RAB10: variants seen among roughly 807,000 people sequenced by gnomAD.
RAB10 encodes ras-related protein Rab-10.
Under a neutral mutation model 25.7 loss-of-function variants are expected in RAB10, and 5 were observed. The ratio of observed to expected loss-of-function variants is 0.19; its 90% CI spans 0.10 to 0.41. The LOEUF is 0.41. RAB10 is among the 10% of genes least tolerant of loss of function. RAB10 has a pLI of 1.00. For synonymous variants in RAB10, 89 were observed against 86.4 expected (o/e 1.03, Z -0.16); for missense variants, 103 against 245.8 (o/e 0.42, Z 3.89).
intron 1 of RAB10, among the ~76,000 whole-genome samples, chr2:26,037,703 G>A (rs573132919): frequency 5.9e-5 from 9 of 152,106 alleles, no homozygotes; most frequent in African/African-American, 2.2e-4. Flanking sequence ...GATTTTAGGG[G>A]TTAGTGAGAG....
In RAB10 at chr2:26,034,513, C is replaced by T. The variant is rs75606451; in HGVS notation, c.-96C>T. On this transcript the variant is annotated 5_prime_UTR_variant, in exon 1 of 6. Transcript: ENST00000264710. ...GCCTTTTTCCCACGCTTCCCCGGTCCTCCGGCCTGAGAACGCCCGAGTGAG... is the reference window on the plus strand; with the variant it reads ...GCCTTTTTCCCACGCTTCCCCGGTCTTCCGGCCTGAGAACGCCCGAGTGAG... The T allele has an allele frequency of 7.3e-3, 11,171 of 1,540,408 alleles. 172 individuals carry two copies. The highest frequency in any genetic ancestry group is 0.041 in the African/African-American group (2,974 of 73,216).
intron 1 of RAB10, among the ~76,000 whole-genome samples, chr2:26,063,615 G>A (rs190602235): frequency 1.1e-3 from 161 of 152,220 alleles, no homozygotes; most frequent in African/African-American, 3.7e-3. Context: ...CTTTATTCAA[G>A]CTTCCTCAAC....
chr2:26,079,420 G>A (rs936403601), intron 1 of RAB10, among the ~76,000 whole-genome samples: 7 of 151,460 alleles, frequency 4.6e-5, no homozygotes, highest in Non-Finnish European at 7.4e-5. Flanking sequence ...TGGGTTTCTC[G>A]TTGTTGAAGA....
Position 26,037,179 on chromosome 2 carries a change from A to G in RAB10, c.127+2444A>G, listed in dbSNP as rs931811728. Among the ~76,000 whole-genome samples, 4 of 152,336 alleles carry G rather than the reference A, an allele frequency of 2.6e-5. No homozygotes were observed. In the South Asian group the frequency reaches 8.3e-4, roughly 32 times the overall value. On this transcript the variant is annotated intron_variant, in intron 1 of 5. Transcript: ENST00000264710. Reference sequence around the variant, plus strand: ...TTGTAAAGGGTGCATGCCCCCAACTAAAACTCAATCCTGTAAGATAATGGT... The same window carrying G: ...TTGTAAAGGGTGCATGCCCCCAACTGAAACTCAATCCTGTAAGATAATGGT...
chr2:26,033,640 A>G (rs1304213798), upstream of RAB10, among the ~76,000 whole-genome samples: 3 of 152,222 alleles, frequency 2.0e-5, no homozygotes, highest in African/African-American at 7.2e-5. Context: ...ATGGCCACCC[A>G]AGCCCGTCGC....
chr2:26,073,784 A>G (rs1666676557), intron 1 of RAB10, among the ~76,000 whole-genome samples: 1 of 152,218 alleles, frequency 6.6e-6, no homozygotes, highest in African/African-American at 2.4e-5. Flanking sequence ...GAAAAAGTAC[A>G]GAAGGGAATG....
chr2:26,048,372 A>T, intron 1 of RAB10, among the ~76,000 whole-genome samples: 1 of 152,174 alleles, frequency 6.6e-6, no homozygotes, highest in East Asian at 1.9e-4. Flanking sequence ...CCAGCATTTG[A>T]TAATGTTATC....
intron 3 of RAB10, among the ~76,000 whole-genome samples, chr2:26,115,947 C>A (rs1667679973): frequency 6.6e-6 from 1 of 151,430 alleles, no homozygotes; most frequent in Non-Finnish European, 1.5e-5. Flanking sequence ...GCAGTCTCCG[C>A]CTCCCTGGTT....
At chr2:26,120,842 G>A (rs1006353140) in intron 3 of RAB10, among the ~76,000 whole-genome samples, 1 of 151,640 alleles carries the variant, frequency 6.6e-6, no homozygotes, top group Non-Finnish European at 1.5e-5. Flanking sequence ...CGCCCGCCTC[G>A]GCCTCCCAAA....
In RAB10 at chr2:26,100,228, T is replaced by C. The variant is rs530013565; in HGVS notation, c.188+1506T>C. On this transcript the variant is annotated intron_variant, in intron 2 of 5. Transcript: ENST00000264710. ...CCAATAAGCAAAAGAAGGTGTTAAA[T>C]ATCTGAAGGGACAATTAAACATTGT... Among the ~76,000 whole-genome samples, 3 of 152,304 alleles carry C rather than the reference T, an allele frequency of 2.0e-5. No homozygotes were observed. The East Asian group carries it at 5.8e-4, about 29-fold the overall frequency.
Position 26,034,089 on chromosome 2 carries a change from A to C in RAB10, c.-520A>C. The C allele has an allele frequency of 2.5e-6, 1 of 404,434 alleles. No individual in the cohort carries two copies. The highest frequency in any genetic ancestry group is 4.4e-6 in the Non-Finnish European group (1 of 228,902). 25.1% of individuals were successfully genotyped at this position (404,434 alleles called of 1,614,324 possible). On this transcript the variant is annotated 5_prime_UTR_variant, in exon 1 of 6. Coordinates refer to ENST00000264710, the MANE Select transcript of RAB10 (RefSeq NM_016131.5). ...GGGCGTACGCCCTTGCGTGCGTCTC[A>C]GGCAGCGCGCACGCCGGCGTGAGAG...
At chr2:26,068,788 CGTT>C (rs1666566268) in intron 1 of RAB10, among the ~76,000 whole-genome samples, 1 of 152,166 alleles carries the variant, frequency 6.6e-6, no homozygotes, top group Admixed American at 6.6e-5. Context: ...TTTCCTCAGA[CGTT>C]GTGGGCAAGG....
At chr2:26,128,255 C>T (rs1667941587) in intron 5 of RAB10, among the ~76,000 whole-genome samples, 1 of 152,202 alleles carries the variant, frequency 6.6e-6, no homozygotes, top group Non-Finnish European at 1.5e-5. Context: ...GGTTTGCACT[C>T]CTATGAGAAT....
At chr2:26,075,795 T>C (rs1666720097) in intron 1 of RAB10, among the ~76,000 whole-genome samples, 1 of 152,132 alleles carries the variant, frequency 6.6e-6, no homozygotes, top group Admixed American at 6.6e-5. Flanking sequence ...GAATTCATTT[T>C]TCAGTGATGT....
chr2:26,081,427 G>T (rs955046949), intron 1 of RAB10, among the ~76,000 whole-genome samples: 1 of 152,150 alleles, frequency 6.6e-6, no homozygotes, highest in East Asian at 1.9e-4. Context: ...TGGAATACCT[G>T]ACTGTTAAAT....
chr2:26,133,275 ATGT>A (rs777420959), intron 5 of RAB10, among the ~76,000 whole-genome samples: 48 of 152,346 alleles, frequency 3.2e-4, no homozygotes, highest in Middle Eastern at 3.4e-3. Flanking sequence ...AGCTTTCAAA[ATGT>A]TGTGATGAAC....
intron 1 of RAB10, among the ~76,000 whole-genome samples, chr2:26,096,950 G>A (rs1253331174): frequency 6.6e-6 from 1 of 152,102 alleles, no homozygotes; most frequent in Admixed American, 6.5e-5. Context: ...GGCTGGGTGC[G>A]GTGGCTCACG....
At chr2:26,082,924 T>C (rs1008905877) in intron 1 of RAB10, among the ~76,000 whole-genome samples, 2 of 152,176 alleles carry the variant, frequency 1.3e-5, no homozygotes, top group Non-Finnish European at 2.9e-5. Flanking sequence ...ATTCCAGGAA[T>C]GCAAGGTTGG....
chr2:26,109,783 G>A lies in RAB10; in HGVS notation c.204G>A (p.Gln68=). The part of the protein sequence containing the change: ...IKLQIWDTAG[Q]ERFHTITTSY... ...TTTATTTCAGGGATACAGCAGGCCA[G>A]GAGCGATTTCACACCATCACAACCT... The change falls in exon 3 of 6, where the codon CAG becomes CAA. Residue 68 remains glutamine, a synonymous_variant. Coordinates refer to ENST00000264710, the MANE Select transcript of RAB10 (RefSeq NM_016131.5). The A allele has an allele frequency of 1.2e-6, 2 of 1,601,634 alleles. No individual in the cohort carries two copies. Among genetic ancestry groups the A allele is most frequent in the Non-Finnish European group, 8.5e-7 (1 of 1,175,090 alleles).
Sources: allele counts gnomAD v4.1 joint callset (sites outside exome capture counted in the v4.1 genomes callset), GRCh38; gene constraint gnomAD v4.1.1; transcripts MANE v1.5; gene names NCBI Gene and HGNC (gene_info 2026-07-23, HGNC 2026-07-21).